The following MEI1 variants were observed in gnomAD, a reference collection of about 807,000 sequenced individuals.
MEI1 encodes meiotic double-stranded break formation protein 1, also known as meiosis inhibitor protein 1.
MEI1 carries 103 observed loss-of-function variants against 146.2 expected under a neutral mutation model. The observed-to-expected ratio is 0.70, with a 90% confidence interval of 0.60 to 0.83. The LOEUF is 0.83. Among genes scored for constraint, MEI1 ranks in the 40% least tolerant of loss-of-function variants. MEI1 has a pLI of 0.00. For missense variants in MEI1, 1,529 were observed against 1,533.0 expected (o/e 1.00, Z 0.04); for synonymous variants, 652 against 628.2 (o/e 1.04, Z -0.57).
chr22:41,737,289 T>A (rs2072458544), intron 11 of MEI1, among the ~76,000 whole-genome samples: 1 of 151,924 alleles, frequency 6.6e-6, no homozygotes, highest in Non-Finnish European at 1.5e-5. Flanking sequence ...CAGGCTGGAG[T>A]GCAGTGGCGC....
chr22:41,781,237 T>C (rs1380843037), intron 22 of MEI1, 47 bp from the exon 23 acceptor site: 3 of 1,368,580 alleles, frequency 2.2e-6, no homozygotes, highest in African/African-American at 1.4e-5. Context: ...CTATGACAAG[T>C]GTGAGTGTTT....
At chr22:41,791,618 G>A (rs1268153855) in intron 26 of MEI1, among the ~76,000 whole-genome samples, 2 of 152,216 alleles carry the variant, frequency 1.3e-5, no homozygotes, top group African/African-American at 4.8e-5. Flanking sequence ...TCATACCCAT[G>A]AGGGTGGCTA....
chr22:41,715,201 T>C (rs1263606363), intron 4 of MEI1, among the ~76,000 whole-genome samples: 1 of 152,104 alleles, frequency 6.6e-6, no homozygotes, highest in African/African-American at 2.4e-5. Context: ...CATTCAGCCC[T>C]ATCAACAACC....
chr22:41,782,779 C>T (rs2075812701), intron 24 of MEI1, among the ~76,000 whole-genome samples: 1 of 152,210 alleles, frequency 6.6e-6, no homozygotes, highest in African/African-American at 2.4e-5. Flanking sequence ...CAGCTGTCTG[C>T]AGTCACCTGC....
chr22:41,712,152 C>T (rs1255421375), intron 3 of MEI1, among the ~76,000 whole-genome samples: 9 of 118,624 alleles, frequency 7.6e-5, no homozygotes, highest in Admixed American at 2.0e-4. Flanking sequence ...TGCAGTGAGG[C>T]GAGATCATGC....
intron 13 of MEI1, 143 bp from the exon 14 acceptor site, chr22:41,745,742 T>C (rs2073234737): frequency 1.4e-6 from 1 of 726,704 alleles, no homozygotes; most frequent in Non-Finnish European, 2.1e-6. Flanking sequence ...CATTGTGGTC[T>C]ATTGAATTTT....
At chr22:41,713,792 C>A (rs1416014620) in intron 3 of MEI1, among the ~76,000 whole-genome samples, 1 of 152,220 alleles carries the variant, frequency 6.6e-6, no homozygotes. Context: ...AGGTGATCCG[C>A]CTGCCTCGGC....
intron 20 of MEI1, among the ~76,000 whole-genome samples, chr22:41,775,603 T>C (rs533092360): frequency 6.6e-6 from 1 of 151,508 alleles, no homozygotes; most frequent in African/African-American, 2.4e-5. Context: ...TCTTTTTTTT[T>C]TTTTTTTTGA....
intron 11 of MEI1, among the ~76,000 whole-genome samples, chr22:41,733,677 A>T (rs2072065597): frequency 6.7e-6 from 1 of 148,464 alleles, no homozygotes; most frequent in Non-Finnish European, 1.5e-5. Context: ...CAGAGGTTGT[A>T]GTAAGCCAAG....
chr22:41,772,014 G>A (rs2075208163), intron 20 of MEI1, among the ~76,000 whole-genome samples: 1 of 152,136 alleles, frequency 6.6e-6, no homozygotes, highest in South Asian at 2.1e-4. Flanking sequence ...GAAACACAGT[G>A]TTAGGTGATT....
At position 41,781,332 on chromosome 22, in the gene MEI1, A is replaced by T. The variant is rs2075747829; in HGVS notation, c.2864A>T (p.Gln955Leu). ...KCSPTDVDIL[Q>L]PSFNFLYWSL... ...AGCCCCACTGACGTGGACATCCTGC[A>T]GCCCTCCTTCAACTTCCTGTATTGG... Residue 955 changes from glutamine to leucine, a missense_variant, in exon 23 of 31, where the codon CAG becomes CTG. Physicochemically the swap from Gln to Leu is moderately radical, Grantham distance 113 (BLOSUM62 -2). Coordinates refer to ENST00000401548, the MANE Select transcript of MEI1 (RefSeq NM_152513.4). The T allele has an allele frequency of 6.2e-7, 1 of 1,613,560 alleles. No individual in the cohort carries two copies. The highest frequency in any genetic ancestry group is 1.3e-5 in the African/African-American group (1 of 74,926).
intron 19 of MEI1, among the ~76,000 whole-genome samples, chr22:41,768,773 AC>A (rs2075006715): frequency 6.6e-6 from 1 of 152,048 alleles, no homozygotes; most frequent in African/African-American, 2.4e-5. Context: ...GGGGAGGTCC[AC>A]CCCCATGATC....
intron 16 of MEI1, 32 bp from the exon 17 acceptor site, chr22:41,753,917 T>TCTCTTCTATTCTTTCTTCTTCTCC: frequency 6.9e-7 from 1 of 1,449,224 alleles, no homozygotes; most frequent in Non-Finnish European, 9.7e-7. Flanking sequence ...AGCAATGTCA[T>TCTCTTCTATTCTTTCTTCTTCTCC]CTCTTCTATT....
chr22:41,716,272 C>T lies in MEI1; in HGVS notation c.529+126C>T, dbSNP rs964432338. 3 of 632,266 alleles carry T rather than the reference C, an allele frequency of 4.7e-6. No individual in the cohort carries two copies. In the African/African-American group the frequency reaches 5.5e-5, roughly 12 times the overall value. The allele number at this position is 632,266 out of a possible 1,614,324, so 39.2% of individuals were successfully genotyped here. A position where few individuals can be genotyped will look rare whatever the true frequency, so the allele number is the denominator to read the frequency against. Reference sequence around the variant, plus strand: ...CTTTCCTGCTTTAGCCTTCAGTTTCCCCGTCTGCAAAATGTACTGTATGTC... The same window carrying T: ...CTTTCCTGCTTTAGCCTTCAGTTTCTCCGTCTGCAAAATGTACTGTATGTC... On this transcript the variant is annotated intron_variant, in intron 5 of 30. Coordinates refer to ENST00000401548, the MANE Select transcript of MEI1 (RefSeq NM_152513.4).
intron 9 of MEI1, among the ~76,000 whole-genome samples, chr22:41,731,627 G>A (rs940608822): frequency 1.3e-5 from 2 of 152,172 alleles, no homozygotes; most frequent in Non-Finnish European, 1.5e-5. Flanking sequence ...CAAAGTGCTG[G>A]GATTACAGGC....
Position 41,766,814 on chromosome 22 carries a change from G to A in MEI1, c.2268+3493G>A, listed in dbSNP as rs374970218. The stretch of plus-strand genomic sequence containing the variant: ...CCCAAAGTGCTAGGATTACAGGTGT[G>A]AGCCACTGCTCCTGTCTCCAGTATT... On this transcript the variant is annotated intron_variant, in intron 19 of 30. Transcript: ENST00000401548. Among the ~76,000 whole-genome samples the A allele has an allele frequency of 9.8e-5, 15 of 152,322 alleles. No homozygotes were observed. In the East Asian group the frequency reaches 2.5e-3, roughly 25 times the overall value.
At chr22:41,783,332 G>A (rs2075834021) in intron 24 of MEI1, among the ~76,000 whole-genome samples, 1 of 151,194 alleles carries the variant, frequency 6.6e-6, no homozygotes, top group Non-Finnish European at 1.5e-5. Context: ...TGCTCTAGTT[G>A]CCCAGGCTGG....
chr22:41,737,555 G>A (rs1161606879), intron 11 of MEI1, among the ~76,000 whole-genome samples: 4 of 147,968 alleles, frequency 2.7e-5, no homozygotes, highest in Non-Finnish European at 6.0e-5. Flanking sequence ...TTTCTGGGGG[G>A]TGAGGGGTCA....
At chr22:41,754,466 C>T (rs946690119) in intron 17 of MEI1, among the ~76,000 whole-genome samples, 1 of 152,056 alleles carries the variant, frequency 6.6e-6, no homozygotes, top group African/African-American at 2.4e-5. Context: ...GACAGTCTCG[C>T]TCTGTTGCCC....
Sources: gnomAD v4.1 joint callset for allele counts (sites outside exome capture counted in the v4.1 genomes callset) on GRCh38, gnomAD v4.1.1 for gene constraint, MANE v1.5 for transcripts, NCBI Gene and HGNC (gene_info 2026-07-23, HGNC 2026-07-21) for gene names.